Variants in ADCY8 observed in about 807,000 individuals in gnomAD.
ADCY8 encodes the protein adenylate cyclase type 8.
In ADCY8, 51 loss-of-function variants were observed where a neutral mutation model predicts 119.7. The observed-to-expected ratio is 0.43, with a 90% CI of 0.34 to 0.54. ADCY8 has a LOEUF of 0.54. ADCY8 is among the 20% of genes least tolerant of loss of function. The pLI is 0.03. For missense variants in ADCY8, 1,383 were observed against 1,598.8 expected, an observed-to-expected ratio of 0.87 and a Z score of 2.30; for synonymous variants, 665 against 651.0, an observed-to-expected ratio of 1.02 and a Z score of -0.33.
At position 130,937,064 on chromosome 8, in the gene ADCY8, A is replaced by G. The variant is rs931584339; in HGVS notation, c.1481+9T>C. The G allele has an allele frequency of 5.6e-6, 9 of 1,604,970 alleles. No individual in the cohort carries two copies. The African/African-American group carries it at 1.1e-4, about 19-fold the overall frequency. ...AGACCCAGGTAACATGATGGGGATC[A>G]CAAATTACCTGATGGTTTTGATCAT... On this transcript the variant is annotated intron_variant, in intron 5 of 17. Coordinates refer to ENST00000286355, the MANE Select transcript of ADCY8 (RefSeq NM_001115.3).
At chr8:130,814,748 T>C (rs528385663) in intron 13 of ADCY8, among the ~76,000 whole-genome samples, 1 of 152,282 alleles carries the variant, frequency 6.6e-6, no homozygotes, top group Admixed American at 6.5e-5. Context: ...ATGAAAGTCA[T>C]TCACTACCAT....
At chr8:130,881,903 C>A (rs958547422) in intron 8 of ADCY8, among the ~76,000 whole-genome samples, 1 of 150,810 alleles carries the variant, frequency 6.6e-6, no homozygotes, top group Non-Finnish European at 1.5e-5. Flanking sequence ...CAAACCTATG[C>A]AGATTCCATT....
At chr8:130,979,754 A>G (rs756503027) in intron 2 of ADCY8, among the ~76,000 whole-genome samples, 22 of 152,200 alleles carry the variant, frequency 1.4e-4, no homozygotes, top group Non-Finnish European at 3.1e-4. Flanking sequence ...TGAGGATTGA[A>G]TGAAGTAATC....
At chr8:130,790,445 T>G (rs928310456) in intron 15 of ADCY8, among the ~76,000 whole-genome samples, 4 of 152,208 alleles carry the variant, frequency 2.6e-5, no homozygotes, top group African/African-American at 9.6e-5. Context: ...GTTCTATTTT[T>G]GTGACCTGCA....
intron 2 of ADCY8, among the ~76,000 whole-genome samples, chr8:130,983,793 T>C (rs1320663317): frequency 1.3e-5 from 2 of 152,124 alleles, no homozygotes; most frequent in African/African-American, 4.8e-5. Flanking sequence ...TGTGAGTTAG[T>C]CATACACCTC....
At chr8:130,982,858 T>A (rs1485335036) in intron 2 of ADCY8, among the ~76,000 whole-genome samples, 5 of 152,238 alleles carry the variant, frequency 3.3e-5, no homozygotes, top group African/African-American at 1.2e-4. Context: ...GGATTGTCTT[T>A]AACATCTGGT....
rs771256048 is a variant in ADCY8, at chr8:130,849,794, T to TG, written c.2219dup (p.Met741AsnfsTer25). ...TCAGAATGGAGAACTGGATGGTCATTGGCATCACTCTGCAGGGAAACACAG... is the reference window on the plus strand; with the variant it reads ...TCAGAATGGAGAACTGGATGGTCATTGGGCATCACTCTGCAGGGAAACACAG... On this transcript the variant is annotated frameshift_variant, in exon 10 of 18. Coordinates refer to ENST00000286355, the MANE Select transcript of ADCY8 (RefSeq NM_001115.3). LOFTEE classifies it high-confidence loss of function. 6.2e-7 allele frequency: 1 copy of TG among 1,612,486 alleles called. No homozygotes were observed. The highest frequency in any genetic ancestry group is 8.5e-7 in the Non-Finnish European group (1 of 1,179,288).
intron 8 of ADCY8, among the ~76,000 whole-genome samples, chr8:130,875,443 G>A (rs971434231): frequency 6.6e-6 from 1 of 152,186 alleles, no homozygotes; most frequent in African/African-American, 2.4e-5. Context: ...GAGAAAAGCT[G>A]AGACCATTTG....
At chr8:130,783,321 A>G (rs561405564) in intron 17 of ADCY8, among the ~76,000 whole-genome samples, 1 of 152,314 alleles carries the variant, frequency 6.6e-6, no homozygotes, top group East Asian at 1.9e-4. Flanking sequence ...AGAGCAATAC[A>G]TTGACCACCA....
rs751510726 is a variant in ADCY8 at position 130,780,848 on chromosome 8, C to T, written c.3298G>A (p.Val1100Ile). The stretch of plus-strand genomic sequence containing the variant: ...TACTGTGGTTTCTTAGCGCCGATAA[C>T]GCCAGCTACCACTGAGCCGTGGCTG... ...GISHGSVVAG[V>I]IGAKKPQYDI... The change falls in exon 18 of 18, where the codon GTT becomes ATT. Residue 1100 changes from valine to isoleucine, a missense_variant. By Grantham distance (29) the Val-to-Ile change is conservative. Coordinates refer to ENST00000286355, the MANE Select transcript of ADCY8 (RefSeq NM_001115.3). 18 of 1,614,036 alleles carry T rather than the reference C, an allele frequency of 1.1e-5. No homozygotes were observed. The highest frequency in any genetic ancestry group is 5.5e-5 in the South Asian group (5 of 91,074).
Position 130,990,319 on chromosome 8 carries a change from G to A in ADCY8, c.1110+74C>T, listed in dbSNP as rs1362260764. The A allele has an allele frequency of 1.0e-5, 16 of 1,545,400 alleles. No homozygotes were observed. In the East Asian group the frequency reaches 3.2e-4, roughly 31 times the overall value. Reference sequence around the variant, plus strand: ...CTTTTAAGTCAGGACGTGTTTGGGAGTAAAACAGTAGCTCCATATAATTTA... The same window carrying A: ...CTTTTAAGTCAGGACGTGTTTGGGAATAAAACAGTAGCTCCATATAATTTA... On this transcript the variant is annotated intron_variant, in intron 2 of 17. Coordinates refer to ENST00000286355, the MANE Select transcript of ADCY8 (RefSeq NM_001115.3).
chr8:130,832,949 A>G (rs912696468), intron 12 of ADCY8, among the ~76,000 whole-genome samples: 7 of 152,186 alleles, frequency 4.6e-5, no homozygotes, highest in Non-Finnish European at 8.8e-5. Context: ...GAAGCCAAAG[A>G]CCCAGCTTAT....
At chr8:130,914,655 C>T (rs1054146654) in intron 5 of ADCY8, among the ~76,000 whole-genome samples, 2 of 152,162 alleles carry the variant, frequency 1.3e-5, no homozygotes, top group Non-Finnish European at 2.9e-5. Flanking sequence ...GGGAGGACCT[C>T]GGAGCATTCT....
At chr8:130,989,705 G>A (rs1822516212) in intron 2 of ADCY8, among the ~76,000 whole-genome samples, 1 of 152,048 alleles carries the variant, frequency 6.6e-6, no homozygotes, top group South Asian at 2.1e-4. Context: ...CTTTAATAGG[G>A]ACAAATCTTT....
At chr8:131,012,931 T>C (rs890840823) in intron 1 of ADCY8, among the ~76,000 whole-genome samples, 2 of 152,242 alleles carry the variant, frequency 1.3e-5, no homozygotes, top group African/African-American at 4.8e-5. Context: ...CAGAGTCTGC[T>C]TCTCAGAAGA....
Position 130,836,367 on chromosome 8 carries a change from A to C in ADCY8, c.2585T>G (p.Leu862Arg). ...GGCATAGATGGCAATCATGATCAGC[A>C]GCACTGCCAGCTTCAGGACGGAGTT... ...RLNSVLKLAVLLIMIAIYALL... is the reference protein window; with the variant it reads ...RLNSVLKLAVRLIMIAIYALL... Residue 862 changes from leucine (L) to arginine (R), a missense_variant, in exon 12 of 18, where the codon CTG (leucine) becomes CGG (arginine). This residue lies in a region of ADCY8 where 928 missense variants were observed against 1,163.5 expected (regional missense o/e 0.80). Transcript: ENST00000286355. 6.2e-7 allele frequency: 1 copy of C among 1,614,056 alleles called. No homozygotes were observed. The highest frequency in any genetic ancestry group is 8.5e-7 in the Non-Finnish European group (1 of 1,179,934).
chr8:130,807,694 G>A (rs1816010137), intron 14 of ADCY8, among the ~76,000 whole-genome samples: 1 of 152,126 alleles, frequency 6.6e-6, no homozygotes, highest in Non-Finnish European at 1.5e-5. Flanking sequence ...TTTAAAAATT[G>A]GCCAGTATCG....
At chr8:130,988,493 A>C (rs892287750) in intron 2 of ADCY8, among the ~76,000 whole-genome samples, 13 of 152,208 alleles carry the variant, frequency 8.5e-5, no homozygotes, top group African/African-American at 3.1e-4. Context: ...TCTACATAGT[A>C]TCTCATTTGA....
chr8:130,854,821 C>T (rs1203613216), intron 9 of ADCY8, among the ~76,000 whole-genome samples: 1 of 113,328 alleles, frequency 8.8e-6, no homozygotes, highest in African/African-American at 3.7e-5. Flanking sequence ...CTCCCTCCCT[C>T]CCTCCCTCCC....
Sources: gnomAD v4.1 joint callset for allele counts (sites outside exome capture counted in the v4.1 genomes callset) on GRCh38, gnomAD v4.1.1 for gene constraint, gnomAD v4.1.1 regional missense constraint, MANE v1.5 for transcripts, NCBI Gene and HGNC (gene_info 2026-07-23, HGNC 2026-07-21) for gene names.